The following HS3ST4 variants were observed in gnomAD, a reference collection of about 807,000 sequenced individuals.
HS3ST4 encodes the protein heparan sulfate glucosamine 3-O-sulfotransferase 4.
HS3ST4 carries 17 observed loss-of-function variants against 29.2 expected under a neutral mutation model. The observed-to-expected ratio is 0.58, with a 90% CI of 0.40 to 0.87. HS3ST4 has a LOEUF of 0.87. Ranked by LOEUF, HS3ST4 falls within the 40% of genes least tolerant of loss-of-function variation. The pLI is 0.00. For missense variants in HS3ST4, 627 were observed against 634.5 expected, an observed-to-expected ratio of 0.99 and a Z score of 0.13; for synonymous variants, 314 against 285.7, an observed-to-expected ratio of 1.10 and a Z score of -1.00.
chr16:25,820,051 A>C (rs1967134312), intron 1 of HS3ST4, among the ~76,000 whole-genome samples: 1 of 107,590 alleles, frequency 9.3e-6, no homozygotes, highest in South Asian at 3.1e-4. Context: ...AAAAAAAAAG[A>C]AAAAGAAAAA....
At chr16:25,996,620 A>T (rs1969161187) in intron 1 of HS3ST4, among the ~76,000 whole-genome samples, 1 of 152,084 alleles carries the variant, frequency 6.6e-6, no homozygotes. Context: ...ATTTTCCCCC[A>T]ATCTATTTAT....
intron 1 of HS3ST4, among the ~76,000 whole-genome samples, chr16:26,006,549 A>G (rs1474703856): frequency 5.3e-5 from 8 of 152,124 alleles, no homozygotes; most frequent in Non-Finnish European, 1.2e-4. Flanking sequence ...TATTCAAATA[A>G]GCCTTCCTGA....
At chr16:25,851,426 A>G (rs1252892214) in intron 1 of HS3ST4, among the ~76,000 whole-genome samples, 2 of 152,090 alleles carry the variant, frequency 1.3e-5, no homozygotes, top group Non-Finnish European at 2.9e-5. Flanking sequence ...CCCTCTGTCC[A>G]TAGAGCCATC....
chr16:25,907,771 A>G (rs1383323880), intron 1 of HS3ST4, among the ~76,000 whole-genome samples: 1 of 152,212 alleles, frequency 6.6e-6, no homozygotes, highest in Non-Finnish European at 1.5e-5. Context: ...TGATCTCTCC[A>G]AATCCAACAG....
intron 1 of HS3ST4, among the ~76,000 whole-genome samples, chr16:25,829,096 G>A (rs1030123557): frequency 6.6e-6 from 1 of 152,204 alleles, no homozygotes; most frequent in African/African-American, 2.4e-5. Flanking sequence ...GGGGAATACG[G>A]CTTAGTGTGC....
At chr16:25,705,479 C>G (rs1966369884) in intron 1 of HS3ST4, among the ~76,000 whole-genome samples, 1 of 152,108 alleles carries the variant, frequency 6.6e-6, no homozygotes, top group African/African-American at 2.4e-5. Flanking sequence ...CCCTGGCTAA[C>G]ACGGTGAAAC....
At chr16:26,027,846 A>G (rs1969490710) in intron 1 of HS3ST4, among the ~76,000 whole-genome samples, 2 of 152,242 alleles carry the variant, frequency 1.3e-5, no homozygotes, top group Non-Finnish European at 2.9e-5. Flanking sequence ...GGGTGGGCCT[A>G]AACTCAGTAA....
At chr16:25,707,533 A>G (rs963883709) in intron 1 of HS3ST4, among the ~76,000 whole-genome samples, 5 of 152,126 alleles carry the variant, frequency 3.3e-5, no homozygotes, top group African/African-American at 1.2e-4. Context: ...TTGTAAATGG[A>G]AGAGGGAGGC....
chr16:25,722,082 A>G (rs1037623226), intron 1 of HS3ST4, among the ~76,000 whole-genome samples: 4 of 152,138 alleles, frequency 2.6e-5, no homozygotes, highest in African/African-American at 9.7e-5. Context: ...CGTGTAGCCC[A>G]TTCAGGAAAC....
At chr16:25,894,457 G>A (rs575029459) in intron 1 of HS3ST4, among the ~76,000 whole-genome samples, 18 of 151,708 alleles carry the variant, frequency 1.2e-4, no homozygotes, top group African/African-American at 4.1e-4. Flanking sequence ...TGGGATTTCT[G>A]TAATACTGTG....
At chr16:26,133,871 C>T (rs1182071476) in intron 1 of HS3ST4, among the ~76,000 whole-genome samples, 1 of 152,190 alleles carries the variant, frequency 6.6e-6, no homozygotes, top group Non-Finnish European at 1.5e-5. Context: ...ATCCTAAATG[C>T]ACCACTTTGG....
intron 1 of HS3ST4, among the ~76,000 whole-genome samples, chr16:25,847,570 T>A (rs1233608316): frequency 2.0e-5 from 3 of 152,200 alleles, no homozygotes; most frequent in Non-Finnish European, 4.4e-5. Context: ...ATCTAATTCT[T>A]TATTTTAATT....
intron 1 of HS3ST4, among the ~76,000 whole-genome samples, chr16:26,109,838 T>A (rs142731695): frequency 6.6e-6 from 1 of 152,306 alleles, no homozygotes; most frequent in East Asian, 1.9e-4. Context: ...AATATATGTA[T>A]GCATAGTGAC....
At chr16:26,104,376 G>T (rs909299940) in intron 1 of HS3ST4, among the ~76,000 whole-genome samples, 2 of 152,150 alleles carry the variant, frequency 1.3e-5, no homozygotes, top group East Asian at 1.9e-4. Flanking sequence ...GTTGACAAAG[G>T]ATAATAGGCC....
intron 1 of HS3ST4, among the ~76,000 whole-genome samples, chr16:25,891,295 C>T (rs1330902789): frequency 4.6e-5 from 7 of 152,120 alleles, no homozygotes; most frequent in East Asian, 1.9e-4. Context: ...CAAACCAGTA[C>T]GAAACCTAGT....
chr16:26,001,173 G>A (rs979855509), intron 1 of HS3ST4, among the ~76,000 whole-genome samples: 5 of 152,022 alleles, frequency 3.3e-5, no homozygotes, highest in Admixed American at 2.6e-4. Context: ...CAGTAAATTA[G>A]ACAAAAATTT....
chr16:25,933,807 T>C (rs1968488444), intron 1 of HS3ST4, among the ~76,000 whole-genome samples: 1 of 151,944 alleles, frequency 6.6e-6, no homozygotes, highest in Non-Finnish European at 1.5e-5. Context: ...GGAGGAGGTG[T>C]TGGGCTCTTT....
At chr16:25,900,002 A>C (rs1352150528) in intron 1 of HS3ST4, among the ~76,000 whole-genome samples, 1 of 152,350 alleles carries the variant, frequency 6.6e-6, no homozygotes. Context: ...ATTCCTGGTT[A>C]AATAAATCAT....
chr16:25,698,263 G>A (rs1027214246), intron 1 of HS3ST4, among the ~76,000 whole-genome samples: 2 of 152,098 alleles, frequency 1.3e-5, no homozygotes, highest in African/African-American at 4.8e-5. Context: ...AATGATTAGG[G>A]AAAACCTCTC....
Sources: allele counts gnomAD v4.1 joint callset (sites outside exome capture counted in the v4.1 genomes callset), GRCh38; gene constraint gnomAD v4.1.1; transcripts MANE v1.5; gene names NCBI Gene and HGNC (gene_info 2026-07-23, HGNC 2026-07-21).